The following FSHR variants were observed in gnomAD, a reference collection of about 807,000 sequenced individuals.
FSHR encodes follicle stimulating hormone receptor.
FSHR carries 46 observed loss-of-function variants against 52.1 expected under a neutral mutation model. The observed-to-expected ratio is 0.88, with a 90% CI of 0.70 to 1.13. The LOEUF (loss-of-function observed/expected upper bound fraction) is 1.13. FSHR is among the 50% of genes most tolerant of loss of function. The pLI is 0.00. For synonymous variants in FSHR, 399 were observed against 309.6 expected (o/e 1.29, Z -3.03); for missense variants, 964 against 834.6 (o/e 1.16, Z -1.91).
At chr2:49,090,044 T>C (rs889195042) in intron 1 of FSHR, among the ~76,000 whole-genome samples, 6 of 152,202 alleles carry the variant, frequency 3.9e-5, no homozygotes, top group African/African-American at 1.4e-4. Flanking sequence ...GGGTTGTTTA[T>C]CACATGATCT....
intron 1 of FSHR, among the ~76,000 whole-genome samples, chr2:49,147,739 T>A (rs1672919425): frequency 6.6e-6 from 1 of 151,910 alleles, no homozygotes; most frequent in Admixed American, 6.6e-5. Flanking sequence ...TTTTTTTTTT[T>A]ATTCTTCTGC....
intron 1 of FSHR, among the ~76,000 whole-genome samples, chr2:49,113,053 A>G (rs1671478519): frequency 6.6e-6 from 1 of 152,188 alleles, no homozygotes; most frequent in Admixed American, 6.5e-5. Flanking sequence ...TATGAGGAAC[A>G]GGCAGGATGG....
intron 1 of FSHR, among the ~76,000 whole-genome samples, chr2:49,137,924 C>CA (rs1243171866): frequency 1.3e-5 from 2 of 151,584 alleles, no homozygotes; most frequent in African/African-American, 2.4e-5. Flanking sequence ...ACCAAAAGCA[C>CA]AAAAAAAGAA....
chr2:49,123,746 G>C (rs927273170), intron 1 of FSHR, among the ~76,000 whole-genome samples: 16 of 152,260 alleles, frequency 1.1e-4, no homozygotes, highest in Non-Finnish European at 1.6e-4. Flanking sequence ...AGGGGAGAGA[G>C]AGAGAAGGGA....
Position 49,021,831 on chromosome 2 carries a change from T to TTCTCTCTC in FSHR, c.225-1679_225-1672dup, listed in dbSNP as rs1553334822. Reference sequence around the variant, plus strand: ...ACATAAATAAGGGTGGGGTATGTGTTTCTCTCTCTCTCTCTCTCTCTCTCT... The same window carrying TTCTCTCTC: ...ACATAAATAAGGGTGGGGTATGTGTTTCTCTCTCTCTCTCTCTCTCTCTCTCTCTCTCT... On this transcript the variant is annotated intron_variant, in intron 2 of 9. Transcript: ENST00000406846. Among the ~76,000 whole-genome samples, 55 of 46,460 alleles carry TTCTCTCTC rather than the reference T, an allele frequency of 1.2e-3. 1 individual carries two copies. Among genetic ancestry groups the TTCTCTCTC allele is most frequent in the African/African-American group, 4.6e-3 (50 of 10,984 alleles). 30.5% of individuals were successfully genotyped at this position (46,460 alleles called of 152,430 possible).
chr2:49,077,416 C>A (rs1419960112), intron 1 of FSHR, among the ~76,000 whole-genome samples: 2 of 152,172 alleles, frequency 1.3e-5, no homozygotes, highest in Non-Finnish European at 2.9e-5. Context: ...AGTATGGGGA[C>A]CTTGTTCCTG....
intron 6 of FSHR, among the ~76,000 whole-genome samples, chr2:48,987,867 CA>C (rs1328154383): frequency 7.2e-5 from 11 of 151,886 alleles, no homozygotes; most frequent in Middle Eastern, 3.4e-3. Flanking sequence ...CACACACACA[CA>C]CACCCCTTCA....
At chr2:49,087,756 C>G (rs540076621) in intron 1 of FSHR, among the ~76,000 whole-genome samples, 1 of 152,232 alleles carries the variant, frequency 6.6e-6, no homozygotes, top group Admixed American at 6.5e-5. Flanking sequence ...TGGGAGAGGA[C>G]TAATATATCC....
intron 6 of FSHR, 78 bp downstream of exon 6, chr2:48,988,899 G>A: frequency 8.3e-7 from 1 of 1,206,040 alleles, no homozygotes; most frequent in Non-Finnish European, 1.2e-6. Flanking sequence ...AACAAAAAAG[G>A]AGCATCCAAT....
intron 1 of FSHR, among the ~76,000 whole-genome samples, chr2:49,142,502 C>A (rs149484587): frequency 6.6e-6 from 1 of 152,246 alleles, no homozygotes; most frequent in African/African-American, 2.4e-5. Flanking sequence ...ATTAGCTCCA[C>A]AAGGAAAGAT....
Position 48,975,045 on chromosome 2 carries a change from T to TCGTGC in FSHR, c.669-6163_669-6162insGCACG, listed in dbSNP as rs1272179219. ...TTATTCACATCTTCATGGGAGTACA[T>TCGTGC]TATTGTGACCACGATAGTTAATTTT... is the stretch of plus-strand genomic sequence containing the variant. On this transcript the variant is annotated intron_variant, in intron 8 of 9. Transcript: ENST00000406846. Among the ~76,000 whole-genome samples the TCGTGC allele has an allele frequency of 2.6e-5, 4 of 152,266 alleles. No individual in the cohort carries two copies. The East Asian group carries it at 7.7e-4, about 29-fold the overall frequency.
At chr2:49,015,914 C>T (rs572198036) in intron 4 of FSHR, among the ~76,000 whole-genome samples, 7 of 152,332 alleles carry the variant, frequency 4.6e-5, no homozygotes, top group African/African-American at 1.7e-4. Context: ...TATACAACTG[C>T]ACTTGTGTGC....
Position 49,039,782 on chromosome 2 carries a change from A to G in FSHR, c.225-19622T>C, listed in dbSNP as rs1668414493. Among the ~76,000 whole-genome samples, 3 of 152,340 alleles carry G rather than the reference A, an allele frequency of 2.0e-5. No homozygotes were observed. The South Asian group carries it at 6.2e-4, about 32-fold the overall frequency. The stretch of plus-strand genomic sequence containing the variant: ...TAGTTAAGTGAAAAAAGTTGGTTAT[A>G]AAAGAGCATGTGTAATATAATTTTG... On this transcript the variant is annotated intron_variant, in intron 2 of 9. Transcript: ENST00000406846.
rs1345639633 is a variant in FSHR, at chr2:49,127,751, T to TTTCTTCTTCTTC, written c.152+26503_152+26514dup. Among the ~76,000 whole-genome samples the TTTCTTCTTCTTC allele has an allele frequency of 7.3e-4, 57 of 77,554 alleles. 2 individuals are homozygous for TTTCTTCTTCTTC. The highest frequency in any genetic ancestry group is 9.5e-4 in the East Asian group (2 of 2,100). 50.9% of individuals were successfully genotyped at this position (77,554 alleles called of 152,430 possible). The stretch of plus-strand genomic sequence containing the variant: ...ATTTGTGCATGATTTCTTCTTCTTC[T>TTTCTTCTTCTTC]TTCTTCTTCTTCTTCTTCTTCTTCT... On this transcript the variant is annotated intron_variant, in intron 1 of 9. Coordinates refer to ENST00000406846, the MANE Select transcript of FSHR (RefSeq NM_000145.4).
chr2:49,140,461 TA>T lies in FSHR; in HGVS notation c.152+13804del, dbSNP rs555698608. 2.3e-4 allele frequency among the ~76,000 whole-genome samples: 35 copies of T among 152,300 alleles called. 1 individual carries two copies. In the South Asian group the frequency reaches 3.1e-3, roughly 14 times the overall value. The stretch of plus-strand genomic sequence containing the variant: ...ATGCTTTCTGCACAGCCTGCTGAAC[TA>T]TGAGCCAATTAAACCTCTTTTCATC... On this transcript the variant is annotated intron_variant, in intron 1 of 9. Coordinates refer to ENST00000406846, the MANE Select transcript of FSHR (RefSeq NM_000145.4).
chr2:49,070,885 A>G (rs773001287), intron 1 of FSHR, among the ~76,000 whole-genome samples: 3 of 152,212 alleles, frequency 2.0e-5, no homozygotes, highest in Non-Finnish European at 4.4e-5. Context: ...TAGAGCTTGC[A>G]AGGATATGAG....
In FSHR at chr2:49,080,799, C is replaced by T. The variant is rs1670137699; in HGVS notation, c.153-12509G>A. Among the ~76,000 whole-genome samples, 3 of 152,132 alleles carry T rather than the reference C, an allele frequency of 2.0e-5. No homozygotes were observed. The South Asian group carries it at 6.2e-4, about 31-fold the overall frequency. On this transcript the variant is annotated intron_variant, in intron 1 of 9. Coordinates refer to ENST00000406846, the MANE Select transcript of FSHR (RefSeq NM_000145.4). ...ACAGCAAACAACTGGTCTGTGAATG[C>T]ACCTTTCATATGCAAACCAACTAAT...
intron 1 of FSHR, among the ~76,000 whole-genome samples, chr2:49,113,123 A>G (rs1465977803): frequency 6.6e-6 from 1 of 152,156 alleles, no homozygotes; most frequent in East Asian, 1.9e-4. Context: ...ACAATGTGGT[A>G]AGGGTACTCT....
At chr2:49,015,531 T>A (rs1022522910) in intron 4 of FSHR, among the ~76,000 whole-genome samples, 1 of 152,192 alleles carries the variant, frequency 6.6e-6, no homozygotes, top group East Asian at 1.9e-4. Context: ...GTCCGGTGAT[T>A]GGCCCAAGAT....
Sources: allele counts gnomAD v4.1 joint callset (sites outside exome capture counted in the v4.1 genomes callset), GRCh38; gene constraint gnomAD v4.1.1; transcripts MANE v1.5; gene names NCBI Gene and HGNC (gene_info 2026-07-23, HGNC 2026-07-21).